ELF1: variants seen among roughly 807,000 people sequenced by gnomAD.
ELF1 encodes ETS-related transcription factor Elf-1.
ELF1 carries 24 observed loss-of-function variants against 59.9 expected under a neutral mutation model. The observed-to-expected ratio is 0.40, with a 90% CI of 0.29 to 0.56. The LOEUF is 0.56. Ranked by LOEUF, ELF1 falls within the 20% of genes least tolerant of loss-of-function variation. ELF1 has a pLI of 0.44. For missense variants in ELF1, 627 were observed against 742.2 expected, an observed-to-expected ratio of 0.84 and a Z score of 1.80; for synonymous variants, 248 against 266.2, an observed-to-expected ratio of 0.93 and a Z score of 0.67.
chr13:41,007,908 T>C (rs1189641713), intron 1 of ELF1, among the ~76,000 whole-genome samples: 3 of 152,150 alleles, frequency 2.0e-5, no homozygotes, highest in South Asian at 2.1e-4. Flanking sequence ...GCTTTTCCAC[T>C]GTGTTGACAC....
At chr13:40,984,029 C>T (rs1184381686) in intron 1 of ELF1, among the ~76,000 whole-genome samples, 1 of 152,214 alleles carries the variant, frequency 6.6e-6, no homozygotes, top group Non-Finnish European at 1.5e-5. Context: ...ACTGCCCGTA[C>T]AACCAATTTA....
intron 6 of ELF1, 109 bp from the exon 7 acceptor site, chr13:40,943,253 T>C (rs1356827061): frequency 4.1e-6 from 4 of 965,726 alleles, no homozygotes; most frequent in Non-Finnish European, 2.8e-6. Flanking sequence ...ACAAAAATAT[T>C]ACATAATTCA....
chr13:41,026,312 C>T (rs1391508252), intron 1 of ELF1, among the ~76,000 whole-genome samples: 1 of 152,168 alleles, frequency 6.6e-6, no homozygotes. Flanking sequence ...GAAAAAGGCA[C>T]AACACTTAAC....
intron 1 of ELF1, among the ~76,000 whole-genome samples, chr13:40,983,390 A>G (rs1873387681): frequency 6.6e-6 from 1 of 152,222 alleles, no homozygotes; most frequent in South Asian, 2.1e-4. Context: ...AAATCCAGCT[A>G]GTATGTGTCA....
At chr13:40,938,975 G>A (rs577613883) in intron 8 of ELF1, among the ~76,000 whole-genome samples, 1 of 152,088 alleles carries the variant, frequency 6.6e-6, no homozygotes, top group East Asian at 1.9e-4. Context: ...GTAAAAGGTT[G>A]GGTAATTACA....
intron 1 of ELF1, among the ~76,000 whole-genome samples, chr13:41,059,775 T>G (rs2138446164): frequency 6.6e-6 from 1 of 152,338 alleles, no homozygotes; most frequent in Non-Finnish European, 1.5e-5. Context: ...AAAAATACAG[T>G]GAAACTTTGT....
chr13:40,955,340 C>G lies in ELF1; in HGVS notation c.253+3496G>C, dbSNP rs1229171467. On this transcript the variant is annotated intron_variant, in intron 3 of 8. Transcript: ENST00000239882. ...AAGGGAGGTGGGGGGGTTAGCCCCCCACCCGGCCAGCCGCCCCATCCGGGA... is the reference window on the plus strand; with the variant it reads ...AAGGGAGGTGGGGGGGTTAGCCCCCGACCCGGCCAGCCGCCCCATCCGGGA... Among the ~76,000 whole-genome samples the G allele has an allele frequency of 4.1e-5, 6 of 145,554 alleles. 1 individual carries two copies. Among genetic ancestry groups the G allele is most frequent in the Non-Finnish European group, 9.1e-5 (6 of 65,680 alleles).
intron 3 of ELF1, among the ~76,000 whole-genome samples, chr13:40,955,309 G>A (rs1457393835): frequency 3.1e-4 from 44 of 142,172 alleles, no homozygotes; most frequent in African/African-American, 1.1e-3. Context: ...CAGCCGCCCC[G>A]TCCGGAAGGG....
At chr13:41,024,384 G>C (rs1875801272) in intron 1 of ELF1, among the ~76,000 whole-genome samples, 1 of 151,958 alleles carries the variant, frequency 6.6e-6, no homozygotes, top group Non-Finnish European at 1.5e-5. Context: ...TGCAGTGGCA[G>C]GACCTTGGCA....
At position 41,025,934 on chromosome 13, in the gene ELF1, A is replaced by T. The variant is rs372916337; in HGVS notation, c.-229+34904T>A. Among the ~76,000 whole-genome samples, 15 of 152,292 alleles carry T rather than the reference A, an allele frequency of 9.8e-5. No individual in the cohort carries two copies. The East Asian group carries it at 2.9e-3, about 29-fold the overall frequency. On this transcript the variant is annotated intron_variant, in intron 1 of 1. Coordinates refer to the ELF1 transcript ENST00000405737. Reference sequence around the variant, plus strand: ...CCTTTTTCCCCCATACCTGTCCATGAGGCCCACCAGAAGCAGTTTCCTTTC... The same window carrying T: ...CCTTTTTCCCCCATACCTGTCCATGTGGCCCACCAGAAGCAGTTTCCTTTC...
At chr13:40,972,341 T>C (rs953350535) in intron 2 of ELF1, among the ~76,000 whole-genome samples, 2 of 152,084 alleles carry the variant, frequency 1.3e-5, no homozygotes, top group Admixed American at 6.5e-5. Context: ...TAAAGGAAAA[T>C]GCTCCCTTAC....
chr13:41,056,577 A>T lies in ELF1; in HGVS notation c.-229+4261T>A, dbSNP rs1196187783. ...TGTTTTCCAAAGCAACTGCACCATTATACATTTCCAGCAGCACTGTATAAG... is the reference window on the plus strand; with the variant it reads ...TGTTTTCCAAAGCAACTGCACCATTTTACATTTCCAGCAGCACTGTATAAG... On this transcript the variant is annotated intron_variant, in intron 1 of 1. Transcript: ENST00000405737. Among the ~76,000 whole-genome samples the T allele has an allele frequency of 2.0e-5, 3 of 152,228 alleles. No individual in the cohort carries two copies. The East Asian group carries it at 5.8e-4, about 29-fold the overall frequency.
At chr13:41,044,474 C>G (rs1392158883) in intron 1 of ELF1, among the ~76,000 whole-genome samples, 3 of 152,174 alleles carry the variant, frequency 2.0e-5, no homozygotes, top group Non-Finnish European at 2.9e-5. Context: ...CCCATCAATA[C>G]AGAATTTATT....
chr13:41,044,701 T>C (rs1876767497), intron 1 of ELF1, among the ~76,000 whole-genome samples: 1 of 152,178 alleles, frequency 6.6e-6, no homozygotes, highest in Non-Finnish European at 1.5e-5. Flanking sequence ...TTTGCCAGTA[T>C]TTTACTGAGG....
rs1337409632 is a variant in ELF1, at chr13:40,949,834, T to C, written c.501A>G (p.Ser167=). ...QEKYADSPGA[S]SPEQPKRKKG... is the part of the protein sequence containing the mutation. ...TTTTCCTCTTAGGCTGTTCTGGTGA[T>C]GAGGCTCCCGGTGAGTCTGCATATT... The change falls in exon 5 of 9, where the codon TCA becomes TCG. Residue 167 remains serine (S), a synonymous_variant. Coordinates refer to ENST00000239882, the MANE Select transcript of ELF1 (RefSeq NM_172373.4). 1.9e-6 allele frequency: 3 copies of C among 1,614,176 alleles called. No individual in the cohort carries two copies. Among genetic ancestry groups the C allele is most frequent in the Non-Finnish European group, 2.5e-6 (3 of 1,180,016 alleles).
At chr13:41,000,963 G>T (rs1702892302) in intron 1 of ELF1, among the ~76,000 whole-genome samples, 1 of 148,222 alleles carries the variant, frequency 6.7e-6, no homozygotes, top group Admixed American at 6.7e-5. Context: ...ATTCTTCACA[G>T]AAATAGGAAA....
upstream of ELF1, among the ~76,000 whole-genome samples, chr13:41,023,207 G>T (rs1406422619): frequency 1.3e-5 from 2 of 152,090 alleles, no homozygotes; most frequent in East Asian, 1.9e-4. Flanking sequence ...TTTATAAAAA[G>T]AATTTATTGT....
At chr13:41,027,059 G>A (rs1268226275) in intron 1 of ELF1, among the ~76,000 whole-genome samples, 2 of 152,208 alleles carry the variant, frequency 1.3e-5, no homozygotes, top group Non-Finnish European at 2.9e-5. Flanking sequence ...AATCTTCCCA[G>A]TAGGCAGAAC....
intron 1 of ELF1, among the ~76,000 whole-genome samples, chr13:41,034,047 T>C (rs371599018): frequency 1.4e-3 from 210 of 152,158 alleles, no homozygotes; most frequent in African/African-American, 4.9e-3. Flanking sequence ...TTATGATAAT[T>C]TGAAAAATAA....
Sources: gnomAD v4.1 joint callset for allele counts (sites outside exome capture counted in the v4.1 genomes callset) on GRCh38, gnomAD v4.1.1 for gene constraint, MANE v1.5 for transcripts, NCBI Gene and HGNC (gene_info 2026-07-23, HGNC 2026-07-21) for gene names.